Variants in CRIM1 observed in about 807,000 individuals in gnomAD.
The protein encoded by CRIM1 is cysteine rich transmembrane BMP regulator 1.
In CRIM1, 32 loss-of-function variants were observed where a neutral mutation model predicts 116.4. The observed-to-expected ratio is 0.27, with a 90% CI of 0.21 to 0.37. CRIM1 has a LOEUF of 0.37. Ranked by LOEUF, CRIM1 falls within the 10% of genes least tolerant of loss-of-function variation. The probability of loss-of-function intolerance (pLI) is 1.00; values close to 1 mark genes in which losing one functional copy is unlikely to be tolerated. For missense variants in CRIM1, 1,331 were observed against 1,354.8 expected, an observed-to-expected ratio of 0.98 and a Z score of 0.28; for synonymous variants, 590 against 509.2, an observed-to-expected ratio of 1.16 and a Z score of -2.13.
At chr2:36,479,733 C>G in intron 7 of CRIM1, 39 bp downstream of exon 7, 2 of 1,581,050 alleles carry the variant, frequency 1.3e-6, no homozygotes, top group Non-Finnish European at 1.7e-6. Context: ...TGGTGAATGT[C>G]TTCTGTTGGA....
chr2:36,528,731 G>A (rs1468497142), intron 13 of CRIM1, among the ~76,000 whole-genome samples: 2 of 152,198 alleles, frequency 1.3e-5, no homozygotes, highest in Non-Finnish European at 2.9e-5. Flanking sequence ...TTTGAAAGAA[G>A]GGGAAACAGG....
At chr2:36,526,499 A>C (rs1476009996) in intron 13 of CRIM1, among the ~76,000 whole-genome samples, 2 of 152,200 alleles carry the variant, frequency 1.3e-5, no homozygotes, top group Non-Finnish European at 2.9e-5. Flanking sequence ...AGCAAAAATT[A>C]TTTCAGTGCT....
chr2:36,360,409 T>C (rs1358627343), intron 1 of CRIM1, among the ~76,000 whole-genome samples: 2 of 152,218 alleles, frequency 1.3e-5, no homozygotes, highest in African/African-American at 4.8e-5. Context: ...TTTTGGAACT[T>C]AGCATTCCAT....
chr2:36,366,538 T>TA (rs921477921), intron 1 of CRIM1, among the ~76,000 whole-genome samples: 212 of 147,800 alleles, frequency 1.4e-3, no homozygotes, highest in Non-Finnish European at 2.3e-3. Context: ...ATGGAAAGAT[T>TA]AAAAAAAAAA....
chr2:36,403,614 T>A (rs987802050), intron 2 of CRIM1, among the ~76,000 whole-genome samples: 2 of 152,002 alleles, frequency 1.3e-5, no homozygotes, highest in African/African-American at 4.8e-5. Context: ...GGAGGCCAAA[T>A]CAGTGGGCTT....
intron 7 of CRIM1, among the ~76,000 whole-genome samples, chr2:36,497,703 A>C (rs1558371064): frequency 1.3e-5 from 2 of 152,176 alleles, no homozygotes; most frequent in East Asian, 1.9e-4. Flanking sequence ...AATGTGCTAT[A>C]CTCACTTGAT....
intron 1 of CRIM1, among the ~76,000 whole-genome samples, chr2:36,363,139 G>A (rs906762705): frequency 6.6e-6 from 1 of 150,726 alleles, no homozygotes; most frequent in African/African-American, 2.4e-5. Context: ...AGCAGAGGCT[G>A]CAGTGAGCTG....
At chr2:36,499,472 G>A (rs1680837058) in intron 8 of CRIM1, 125 bp downstream of exon 8, 2 of 970,272 alleles carry the variant, frequency 2.1e-6, no homozygotes, top group Admixed American at 2.5e-5. Context: ...AAAAAAAGGG[G>A]AAAAAAGTTA....
At chr2:36,407,094 G>T (rs1023069918) in intron 2 of CRIM1, among the ~76,000 whole-genome samples, 1 of 152,072 alleles carries the variant, frequency 6.6e-6, no homozygotes, top group African/African-American at 2.4e-5. Context: ...AGCTTCCCAA[G>T]TGCCATCAAA....
chr2:36,414,779 A>G (rs1673478395), intron 2 of CRIM1, among the ~76,000 whole-genome samples: 2 of 152,190 alleles, frequency 1.3e-5, no homozygotes, highest in African/African-American at 4.8e-5. Context: ...GCTGTAGTGT[A>G]TTGAGTGAGT....
chr2:36,439,844 T>A (rs149033642), intron 2 of CRIM1, among the ~76,000 whole-genome samples: 63 of 152,336 alleles, frequency 4.1e-4, no homozygotes, highest in Non-Finnish European at 7.8e-4. Flanking sequence ...TGTTTGTTAC[T>A]TATGTTCTGT....
At chr2:36,504,421 G>T (rs1214317184) in intron 8 of CRIM1, among the ~76,000 whole-genome samples, 1 of 152,132 alleles carries the variant, frequency 6.6e-6, no homozygotes, top group Non-Finnish European at 1.5e-5. Context: ...GTCACATTAG[G>T]ATTGAAATCA....
intron 7 of CRIM1, among the ~76,000 whole-genome samples, chr2:36,496,214 A>G (rs1191624439): frequency 2.0e-5 from 3 of 152,232 alleles, no homozygotes; most frequent in African/African-American, 7.2e-5. Context: ...AAATGTAATA[A>G]AATGAGATGC....
intron 2 of CRIM1, among the ~76,000 whole-genome samples, chr2:36,400,708 G>T (rs1470564349): frequency 6.6e-6 from 1 of 152,134 alleles, no homozygotes; most frequent in East Asian, 1.9e-4. Flanking sequence ...ACAAGAAGGT[G>T]AAGGGAACAT....
At chr2:36,548,393 C>A in intron 16 of CRIM1, 132 bp from the exon 17 acceptor site, 1 of 477,666 alleles carries the variant, frequency 2.1e-6, no homozygotes, top group Non-Finnish European at 3.6e-6. Flanking sequence ...ATGTGATAAT[C>A]TGCATACAGG....
At chr2:36,380,371 C>A (rs1331245466) in intron 1 of CRIM1, among the ~76,000 whole-genome samples, 3 of 152,132 alleles carry the variant, frequency 2.0e-5, no homozygotes, top group Non-Finnish European at 4.4e-5. Flanking sequence ...CTGCGCTGCT[C>A]CTCTTGGGTC....
rs377214363 is a variant in CRIM1 at position 36,481,212 on chromosome 2, G to T, written c.1372+1518G>T. Among the ~76,000 whole-genome samples the T allele has an allele frequency of 1.9e-4, 29 of 152,312 alleles. No individual in the cohort carries two copies. The East Asian group carries it at 4.6e-3, about 24-fold the overall frequency. ...AAATGAAAGGAAGGCTGATCCTTTT[G>T]CACCCACCTTTTGCATTTATCAGCA... On this transcript the variant is annotated intron_variant, in intron 7 of 16. Coordinates refer to ENST00000280527, the MANE Select transcript of CRIM1 (RefSeq NM_016441.3).
chr2:36,394,741 G>C (rs1404360567), intron 1 of CRIM1, among the ~76,000 whole-genome samples: 13 of 152,030 alleles, frequency 8.6e-5, no homozygotes, highest in Non-Finnish European at 1.5e-5. Context: ...AAATCTGAAA[G>C]ATAATCATTT....
chr2:36,372,934 T>C (rs1199170974), intron 1 of CRIM1, among the ~76,000 whole-genome samples: 1 of 152,192 alleles, frequency 6.6e-6, no homozygotes, highest in Non-Finnish European at 1.5e-5. Context: ...GCAAGGTTAT[T>C]TTTTGAGGGT....
Sources: gnomAD v4.1 joint callset for allele counts (sites outside exome capture counted in the v4.1 genomes callset) on GRCh38, gnomAD v4.1.1 for gene constraint, MANE v1.5 for transcripts, NCBI Gene and HGNC (gene_info 2026-07-23, HGNC 2026-07-21) for gene names.